PHF21A: variants seen among roughly 807,000 people sequenced by gnomAD.
PHF21A encodes BHC80a.
A neutral mutation model predicts 82.5 loss-of-function variants in PHF21A; 11 were observed. The ratio of observed to expected loss-of-function variants is 0.13; its 90% CI spans 0.08 to 0.22. The LOEUF (loss-of-function observed/expected upper bound fraction) is 0.22. PHF21A is among the 10% of genes least tolerant of loss of function. PHF21A has a pLI of 1.00. For missense variants in PHF21A, 579 were observed against 837.8 expected, an observed-to-expected ratio of 0.69 and a Z score of 3.81; for synonymous variants, 297 against 302.8, an observed-to-expected ratio of 0.98 and a Z score of 0.20.
chr11:45,958,202 A>G (rs955180682), intron 10 of PHF21A, among the ~76,000 whole-genome samples: 1 of 150,920 alleles, frequency 6.6e-6, no homozygotes, highest in Non-Finnish European at 1.5e-5. Flanking sequence ...ATTAGCACCA[A>G]TCTGTCTCAA....
At chr11:46,118,986 T>C (rs1299888179) in intron 1 of PHF21A, among the ~76,000 whole-genome samples, 1 of 152,042 alleles carries the variant, frequency 6.6e-6, no homozygotes, top group Non-Finnish European at 1.5e-5. Context: ...TACCAGGCCC[T>C]CAATAAAGCT....
intron 6 of PHF21A, among the ~76,000 whole-genome samples, chr11:46,019,647 A>G (rs1171765390): frequency 6.6e-6 from 1 of 152,218 alleles, no homozygotes; most frequent in Non-Finnish European, 1.5e-5. Context: ...CTTTACTTTT[A>G]TATTAACTTA....
intron 6 of PHF21A, among the ~76,000 whole-genome samples, chr11:45,999,523 G>C (rs2095043341): frequency 6.6e-6 from 1 of 152,228 alleles, no homozygotes; most frequent in African/African-American, 2.4e-5. Flanking sequence ...ATTCTACCTT[G>C]TTTCTAACAA....
chr11:46,037,919 T>C (rs756482917), intron 6 of PHF21A, among the ~76,000 whole-genome samples: 4 of 152,070 alleles, frequency 2.6e-5, no homozygotes, highest in Non-Finnish European at 4.4e-5. Flanking sequence ...CGCTTTTCTT[T>C]TGAAGCTCCT....
chr11:46,061,873 A>G (rs1431547399), intron 6 of PHF21A, among the ~76,000 whole-genome samples: 1 of 152,166 alleles, frequency 6.6e-6, no homozygotes, highest in East Asian at 1.9e-4. Context: ...AAAAAGATGT[A>G]TGGGAGGTAA....
At chr11:46,004,141 T>G (rs1467778239) in intron 6 of PHF21A, among the ~76,000 whole-genome samples, 1 of 152,186 alleles carries the variant, frequency 6.6e-6, no homozygotes, top group Non-Finnish European at 1.5e-5. Flanking sequence ...CCCCTTTTTC[T>G]TATCCCATTT....
At chr11:45,976,678 C>T (rs1163674407) in intron 7 of PHF21A, among the ~76,000 whole-genome samples, 1 of 152,026 alleles carries the variant, frequency 6.6e-6, no homozygotes, top group East Asian at 1.9e-4. Context: ...CCTGTTTCTA[C>T]AAAAAATACA....
At chr11:45,958,921 A>G (rs914770109) in intron 10 of PHF21A, among the ~76,000 whole-genome samples, 4 of 152,180 alleles carry the variant, frequency 2.6e-5, no homozygotes, top group Non-Finnish European at 5.9e-5. Flanking sequence ...CTGCCTCCAA[A>G]AAAACAAAAA....
At chr11:46,033,798 G>T (rs956794439) in intron 6 of PHF21A, among the ~76,000 whole-genome samples, 3 of 152,108 alleles carry the variant, frequency 2.0e-5, no homozygotes, top group Admixed American at 6.5e-5. Context: ...TTACTTTTTT[G>T]TAGGTGGCTG....
chr11:45,976,983 T>G (rs1371133167), intron 7 of PHF21A, among the ~76,000 whole-genome samples: 1 of 152,140 alleles, frequency 6.6e-6, no homozygotes. Flanking sequence ...GTTGGCAAAA[T>G]CAATTAAATA....
intron 6 of PHF21A, among the ~76,000 whole-genome samples, chr11:46,008,706 T>A (rs2095350724): frequency 6.6e-6 from 1 of 152,086 alleles, no homozygotes. Flanking sequence ...AAAAGGAAAA[T>A]AATAATATAT....
chr11:46,043,189 A>G (rs957827723), intron 6 of PHF21A, among the ~76,000 whole-genome samples: 15 of 152,198 alleles, frequency 9.9e-5, no homozygotes, highest in Non-Finnish European at 1.6e-4. Context: ...CACTTTAAAT[A>G]ATAATTAAGC....
chr11:45,988,339 A>C (rs768375908), intron 6 of PHF21A, among the ~76,000 whole-genome samples: 1 of 152,250 alleles, frequency 6.6e-6, no homozygotes, highest in Non-Finnish European at 1.5e-5. Flanking sequence ...CTTAGAAGAC[A>C]GAAAAAGACA....
At chr11:46,037,896 T>C (rs1436920543) in intron 6 of PHF21A, among the ~76,000 whole-genome samples, 1 of 152,150 alleles carries the variant, frequency 6.6e-6, no homozygotes, top group East Asian at 1.9e-4. Flanking sequence ...TCTTCTGAAA[T>C]TCCTTTTAGG....
At chr11:46,084,872 G>T (rs1368325579) in intron 3 of PHF21A, among the ~76,000 whole-genome samples, 3 of 151,980 alleles carry the variant, frequency 2.0e-5, no homozygotes, top group African/African-American at 7.3e-5. Flanking sequence ...AATAGAGACG[G>T]GGTTTCACCG....
At chr11:46,073,162 A>T (rs903298380) in intron 6 of PHF21A, among the ~76,000 whole-genome samples, 1 of 152,028 alleles carries the variant, frequency 6.6e-6, no homozygotes, top group Non-Finnish European at 1.5e-5. Flanking sequence ...CCCGGTCTCT[A>T]CTAAAAATAC....
chr11:46,095,862 T>G (rs1394613741), intron 1 of PHF21A, among the ~76,000 whole-genome samples: 2 of 152,166 alleles, frequency 1.3e-5, no homozygotes, highest in African/African-American at 2.4e-5. Context: ...AATCATAAAT[T>G]TTGATAAGGG....
At chr11:45,961,475 A>C (rs1489027953) in intron 10 of PHF21A, among the ~76,000 whole-genome samples, 1 of 152,238 alleles carries the variant, frequency 6.6e-6, no homozygotes, top group Non-Finnish European at 1.5e-5. Flanking sequence ...ACTAACAGGG[A>C]AAACAGAAAT....
At chr11:45,982,154 G>T (rs1484855375) in intron 6 of PHF21A, among the ~76,000 whole-genome samples, 2 of 151,654 alleles carry the variant, frequency 1.3e-5, no homozygotes, top group African/African-American at 2.4e-5. Context: ...ATGGGGTTTC[G>T]CCATGTTGCC....
Sources: allele counts gnomAD v4.1 joint callset (sites outside exome capture counted in the v4.1 genomes callset), GRCh38; gene constraint gnomAD v4.1.1; transcripts MANE v1.5; gene names NCBI Gene and HGNC (gene_info 2026-07-23, HGNC 2026-07-21).